Variants in TRABD2B observed in about 807,000 individuals in gnomAD.
The protein encoded by TRABD2B is metalloprotease TIKI2.
A neutral mutation model predicts 40.1 loss-of-function variants in TRABD2B; 14 were observed. The ratio of observed to expected loss-of-function variants is 0.35; its 90% confidence interval spans 0.23 to 0.55. TRABD2B has a LOEUF of 0.55. TRABD2B is among the 20% of genes least tolerant of loss of function. The probability of loss-of-function intolerance (pLI) is 0.90; values close to 1 mark genes in which losing one functional copy is unlikely to be tolerated. For synonymous variants in TRABD2B, 263 were observed against 277.0 expected (o/e 0.95, Z 0.50); for missense variants, 541 against 648.6 (o/e 0.83, Z 1.80).
intron 2 of TRABD2B, among the ~76,000 whole-genome samples, chr1:47,812,656 C>A (rs1644981014): frequency 6.6e-6 from 1 of 152,150 alleles, no homozygotes; most frequent in South Asian, 2.1e-4. Flanking sequence ...GAGTTCAAGG[C>A]TGCAGTGAGC....
chr1:47,897,598 G>A (rs981747208), intron 2 of TRABD2B, among the ~76,000 whole-genome samples: 7 of 152,162 alleles, frequency 4.6e-5, no homozygotes, highest in African/African-American at 1.7e-4. Flanking sequence ...GCAAGGTAGG[G>A]CCACCATATC....
intron 2 of TRABD2B, among the ~76,000 whole-genome samples, chr1:47,938,355 G>A (rs1276332607): frequency 6.6e-6 from 1 of 152,196 alleles, no homozygotes; most frequent in Non-Finnish European, 1.5e-5. Context: ...AGCTCTATCT[G>A]TCTCTGGAGT....
rs1645156698 is a variant in TRABD2B at position 47,939,424 on chromosome 1, C to T, written c.666+54610G>A. Among the ~76,000 whole-genome samples the T allele has an allele frequency of 2.6e-5, 4 of 152,126 alleles. No homozygotes were observed. The South Asian group carries it at 8.3e-4, about 32-fold the overall frequency. The stretch of plus-strand genomic sequence containing the variant: ...ATTTTAAATGATAGTAGTAGTAATA[C>T]TAAGAATAAAATAAGGTAGCAGTGA... On this transcript the variant is annotated intron_variant, in intron 2 of 6. Transcript: ENST00000606738.
Position 47,863,372 on chromosome 1 carries a change from T to A in TRABD2B, c.667-61753A>T, listed in dbSNP as rs367847699. Among the ~76,000 whole-genome samples, 33 of 66,470 alleles carry A rather than the reference T, an allele frequency of 5.0e-4. 1 individual carries two copies. Among genetic ancestry groups the A allele is most frequent in the Non-Finnish European group, 7.0e-4 (22 of 31,516 alleles). The allele number at this position is 66,470 out of a possible 152,430, so 43.6% of individuals were successfully genotyped here. On this transcript the variant is annotated intron_variant, in intron 2 of 6. Coordinates refer to ENST00000606738, the MANE Select transcript of TRABD2B (RefSeq NM_001194986.2). ...ATAATTGGATATATCCTATATAATTTTATATATATATATATATATATAATC... is the reference window on the plus strand; with the variant it reads ...ATAATTGGATATATCCTATATAATTATATATATATATATATATATATAATC...
At chr1:47,879,143 T>C (rs1644265755) in intron 2 of TRABD2B, among the ~76,000 whole-genome samples, 1 of 151,598 alleles carries the variant, frequency 6.6e-6, no homozygotes, top group African/African-American at 2.4e-5. Context: ...CCAGTGATGA[T>C]AGTACGACAT....
At chr1:47,823,418 C>G (rs1645136186) in intron 2 of TRABD2B, among the ~76,000 whole-genome samples, 1 of 152,262 alleles carries the variant, frequency 6.6e-6, no homozygotes, top group Admixed American at 6.5e-5. Flanking sequence ...AGCTGCCATT[C>G]TACAGAGGCA....
chr1:47,923,629 A>G (rs780506170), intron 2 of TRABD2B, among the ~76,000 whole-genome samples: 3 of 152,232 alleles, frequency 2.0e-5, no homozygotes, highest in Non-Finnish European at 4.4e-5. Context: ...GTTTCTGTGA[A>G]GATATCTCTT....
intron 2 of TRABD2B, among the ~76,000 whole-genome samples, chr1:47,968,096 T>C (rs946094577): frequency 2.6e-5 from 4 of 152,230 alleles, no homozygotes; most frequent in African/African-American, 9.6e-5. Context: ...CCATGGTAAC[T>C]GGAACTAGGC....
intron 2 of TRABD2B, among the ~76,000 whole-genome samples, chr1:47,889,221 T>C (rs1644412319): frequency 6.6e-6 from 1 of 152,204 alleles, no homozygotes; most frequent in Non-Finnish European, 1.5e-5. Flanking sequence ...CTTAGCCTCA[T>C]GGAAGCTGCC....
At position 47,996,413 on chromosome 1, in the gene TRABD2B, G is replaced by C. The variant is rs1646092759; in HGVS notation, c.102+275C>G. Among the ~76,000 whole-genome samples, 1 of 152,190 alleles carries C rather than the reference G, an allele frequency of 6.6e-6. No homozygotes were observed. Among genetic ancestry groups the C allele is most frequent in the Non-Finnish European group, 1.5e-5 (1 of 68,030 alleles). On this transcript the variant is annotated intron_variant, in intron 1 of 6. Transcript: ENST00000606738. This position sits in a 1 kb window ranked among gnomAD's most constrained non-coding sequence, Gnocchi z 4.6. ...GGAGAGACAAAAAGGGGCAGAGAGA[G>C]AGGAGGCGTCCAAGCAGGACCACAA...
intron 2 of TRABD2B, among the ~76,000 whole-genome samples, chr1:47,867,410 G>A (rs532263745): frequency 1.3e-5 from 2 of 152,196 alleles, no homozygotes; most frequent in Non-Finnish European, 2.9e-5. Flanking sequence ...GCTTGTCTGA[G>A]CTTCAGAAGG....
chr1:47,808,998 C>T (rs1188427044), intron 2 of TRABD2B, among the ~76,000 whole-genome samples: 1 of 152,136 alleles, frequency 6.6e-6, no homozygotes, highest in African/African-American at 2.4e-5. Context: ...TCACCTGGTT[C>T]ACGGCCTCCC....
chr1:47,791,217 C>A (rs1354755277), intron 4 of TRABD2B, among the ~76,000 whole-genome samples: 1 of 152,194 alleles, frequency 6.6e-6, no homozygotes, highest in East Asian at 1.9e-4. Context: ...CTCACCTTCA[C>A]ATGCTTGGCC....
At chr1:47,956,411 G>A (rs944176595) in intron 2 of TRABD2B, among the ~76,000 whole-genome samples, 7 of 152,326 alleles carry the variant, frequency 4.6e-5, no homozygotes, top group East Asian at 1.9e-4. Context: ...GCGGGGCATC[G>A]CCTCACCTGG....
intron 2 of TRABD2B, among the ~76,000 whole-genome samples, chr1:47,992,667 G>A (rs1646029370): frequency 6.6e-6 from 1 of 152,216 alleles, no homozygotes; most frequent in African/African-American, 2.4e-5. Flanking sequence ...CCCGAGGCTG[G>A]CAAGGGAAAA....
At chr1:47,780,631 G>T (rs1310301540) in intron 4 of TRABD2B, among the ~76,000 whole-genome samples, 1 of 152,176 alleles carries the variant, frequency 6.6e-6, no homozygotes, top group Non-Finnish European at 1.5e-5. Flanking sequence ...TTCCTGGAGG[G>T]GGCACTGCTA....
In TRABD2B at chr1:47,813,334, AG is replaced by A. The variant is rs1644989383; in HGVS notation, c.667-11716del. 6.6e-6 allele frequency among the ~76,000 whole-genome samples: 1 copy of A among 152,018 alleles called. No individual in the cohort carries two copies. Among genetic ancestry groups the A allele is most frequent in the Non-Finnish European group, 1.5e-5 (1 of 68,000 alleles). ...CAGTAGCCAAGGAGGACCGGATTGG[AG>A]GGGGCACCTCCAGGTGGCCAGGGAT... is the stretch of plus-strand genomic sequence containing the variant. On this transcript the variant is annotated intron_variant, in intron 2 of 6. Transcript: ENST00000606738. The surrounding 1 kb of genome is among the most constrained non-coding windows in gnomAD (Gnocchi z 4.3).
intron 2 of TRABD2B, among the ~76,000 whole-genome samples, chr1:47,876,848 G>A (rs1475531056): frequency 6.6e-6 from 1 of 152,070 alleles, no homozygotes; most frequent in Non-Finnish European, 1.5e-5. Context: ...CTACATGCTA[G>A]GTCATTCATG....
intron 2 of TRABD2B, 90 bp from the exon 3 acceptor site, chr1:47,801,709 G>T: frequency 7.0e-7 from 1 of 1,427,628 alleles, no homozygotes; most frequent in Non-Finnish European, 9.3e-7. Context: ...GGACTTCAGA[G>T]CAACAGGCCT....
Sources: allele counts gnomAD v4.1 joint callset (sites outside exome capture counted in the v4.1 genomes callset), GRCh38; gene constraint gnomAD v4.1.1; non-coding constraint Gnocchi (gnomAD v3.1); transcripts MANE v1.5; gene names NCBI Gene and HGNC (gene_info 2026-07-23, HGNC 2026-07-21).